BICC1: variants seen among roughly 807,000 people sequenced by gnomAD.
The protein encoded by BICC1 is BicC family RNA binding protein 1.
Under a neutral mutation model 111.0 loss-of-function variants are expected in BICC1, and 43 were observed. The ratio of observed to expected loss-of-function variants is 0.39; its 90% CI spans 0.30 to 0.50. The LOEUF (loss-of-function observed/expected upper bound fraction) is 0.50, where lower values mean the gene tolerates loss of function less well. Ranked by LOEUF, BICC1 falls within the 20% of genes least tolerant of loss-of-function variation. BICC1 has a pLI of 0.88. For missense variants in BICC1, 1,091 were observed against 1,203.2 expected (o/e 0.91, Z 1.38); for synonymous variants, 467 against 434.4 (o/e 1.07, Z -0.93).
In BICC1 at chr10:58,741,853, C is replaced by T. The variant is rs78107356; in HGVS notation, c.307+39710C>T. ...ACTTAGAGGCTTTAGTTTGAGTGAC[C>T]ATGGCTGCTGGCACTTTGAACCAGC... On this transcript the variant is annotated intron_variant, in intron 3 of 20. Coordinates refer to ENST00000373886, the MANE Select transcript of BICC1 (RefSeq NM_001080512.3). Among the ~76,000 whole-genome samples the T allele has an allele frequency of 4.7e-4, 71 of 152,220 alleles. 1 individual carries two copies. The East Asian group carries it at 5.2e-3, about 11-fold the overall frequency.
intron 2 of BICC1, among the ~76,000 whole-genome samples, chr10:58,637,890 G>A (rs1279945798): frequency 6.6e-6 from 1 of 152,144 alleles, no homozygotes; most frequent in African/African-American, 2.4e-5. Flanking sequence ...GTGATAGCCA[G>A]GGGAATCACT....
intron 1 of BICC1, among the ~76,000 whole-genome samples, chr10:58,523,426 C>T (rs563369985): frequency 1.6e-3 from 247 of 152,274 alleles, no homozygotes; most frequent in Admixed American, 5.2e-3. Flanking sequence ...CGTAATCCAA[C>T]GTATAAACAG....
chr10:58,558,501 C>G (rs1455054171), intron 1 of BICC1, among the ~76,000 whole-genome samples: 2 of 152,022 alleles, frequency 1.3e-5, no homozygotes, highest in African/African-American at 4.8e-5. Flanking sequence ...AATCGGCATG[C>G]TTTGTTGCTT....
chr10:58,827,305 G>A (rs1488645731), intron 20 of BICC1, among the ~76,000 whole-genome samples: 1 of 152,186 alleles, frequency 6.6e-6, no homozygotes, highest in Admixed American at 6.5e-5. Flanking sequence ...TGTTGATACA[G>A]AAAAAGCTGT....
chr10:58,583,726 A>G (rs535576385), intron 1 of BICC1, among the ~76,000 whole-genome samples: 1 of 152,186 alleles, frequency 6.6e-6, no homozygotes, highest in African/African-American at 2.4e-5. Flanking sequence ...GCTGTTATAA[A>G]CATGTGTGTG....
chr10:58,570,362 A>G (rs1029541587), intron 1 of BICC1, among the ~76,000 whole-genome samples: 1 of 152,170 alleles, frequency 6.6e-6, no homozygotes, highest in Non-Finnish European at 1.5e-5. Flanking sequence ...TGATGCCAGC[A>G]TGTGCTTTTC....
chr10:58,820,337 C>A, intron 19 of BICC1, 32 bp from the exon 20 acceptor site: 2 of 1,397,430 alleles, frequency 1.4e-6, no homozygotes, highest in Non-Finnish European at 2.0e-6. Flanking sequence ...GTAATTAATA[C>A]ATTGGTTATA....
Position 58,553,583 on chromosome 10 carries a change from G to T in BICC1, c.190+40250G>T, listed in dbSNP as rs554852456. Among the ~76,000 whole-genome samples the T allele has an allele frequency of 3.0e-4, 46 of 152,120 alleles. No homozygotes were observed. The South Asian group carries it at 4.4e-3, about 14-fold the overall frequency. ...TGTGCTGTTTTAAGTTGCTAAGTTT[G>T]TATTATTTTGTTACAGCAGCATTAG... On this transcript the variant is annotated intron_variant, in intron 1 of 20. Transcript: ENST00000373886.
chr10:58,516,790 A>C (rs1842253360), intron 1 of BICC1, among the ~76,000 whole-genome samples: 1 of 152,152 alleles, frequency 6.6e-6, no homozygotes, highest in South Asian at 2.1e-4. Context: ...AAGCCAATTA[A>C]ATTTTAGTTA....
In BICC1 at chr10:58,789,269, T is replaced by A. The variant is rs1172727327; in HGVS notation, c.608T>A (p.Leu203His). 1 of 1,613,098 alleles carries A rather than the reference T, an allele frequency of 6.2e-7. No homozygotes were observed. The highest frequency in any genetic ancestry group is 1.3e-5 in the African/African-American group (1 of 75,008). The change falls in exon 7 of 21, where the codon CTT (leucine) becomes CAT (histidine). Residue 203 changes from leucine (L) to histidine (H), a missense_variant. Transcript: ENST00000373886. ...CTCATCATTTCATTTTAGGAGCTGCTTCCTTTGGTGCTGATGTTTGAGCTA... is the reference window on the plus strand; with the variant it reads ...CTCATCATTTCATTTTAGGAGCTGCATCCTTTGGTGCTGATGTTTGAGCTA... The part of the protein sequence containing the change: ...ESARVRIREL[L>H]PLVLMFELPI...
rs531474428 is a variant in BICC1, at chr10:58,526,746, A to C, written c.190+13413A>C. 9.2e-4 allele frequency among the ~76,000 whole-genome samples: 140 copies of C among 152,308 alleles called. 3 individuals are homozygous for C. The South Asian group carries it at 0.028, about 30-fold the overall frequency. On this transcript the variant is annotated intron_variant, in intron 1 of 20. Coordinates refer to ENST00000373886, the MANE Select transcript of BICC1 (RefSeq NM_001080512.3). The stretch of plus-strand genomic sequence containing the variant: ...TTCCCGCTTCATCCATGCCCTACCA[A>C]GGACATGAACTCATCCTTTTTTATG...
intron 16 of BICC1, 70 bp downstream of exon 16, chr10:58,806,693 A>ATGG: frequency 7.6e-7 from 1 of 1,310,336 alleles, no homozygotes; most frequent in Non-Finnish European, 1.1e-6. Context: ...TTGAGTACTC[A>ATGG]TGGTGAATCG....
At chr10:58,719,059 A>G (rs1382724881) in intron 3 of BICC1, among the ~76,000 whole-genome samples, 1 of 152,114 alleles carries the variant, frequency 6.6e-6, no homozygotes, top group Non-Finnish European at 1.5e-5. Context: ...CTCATATTCC[A>G]TTTCTACTTT....
intron 1 of BICC1, among the ~76,000 whole-genome samples, chr10:58,528,259 A>G (rs568568072): frequency 1.5e-4 from 23 of 152,006 alleles, no homozygotes; most frequent in African/African-American, 4.8e-4. Flanking sequence ...CTCCATATGC[A>G]AGATGATCTG....
At chr10:58,547,779 T>G (rs937211602) in intron 1 of BICC1, among the ~76,000 whole-genome samples, 2 of 152,190 alleles carry the variant, frequency 1.3e-5, no homozygotes, top group African/African-American at 4.8e-5. Context: ...GGAAGCTCTT[T>G]CAGTTGGCTA....
chr10:58,730,519 G>A (rs1841254991), intron 3 of BICC1, among the ~76,000 whole-genome samples: 1 of 152,024 alleles, frequency 6.6e-6, no homozygotes, highest in South Asian at 2.1e-4. Flanking sequence ...GCCCCAGTTG[G>A]GACTCTGTGT....
intron 3 of BICC1, among the ~76,000 whole-genome samples, chr10:58,712,444 G>A (rs1217448816): frequency 2.6e-5 from 4 of 152,092 alleles, no homozygotes; most frequent in Non-Finnish European, 5.9e-5. Context: ...ATCAAAACTC[G>A]GAAACAACCA....
At chr10:58,531,425 G>T (rs542854753) in intron 1 of BICC1, among the ~76,000 whole-genome samples, 1 of 151,820 alleles carries the variant, frequency 6.6e-6, no homozygotes, top group African/African-American at 2.4e-5. Flanking sequence ...CTCTAGCTGG[G>T]CTGATTGGTG....
chr10:58,830,155 A>G lies in BICC1; in HGVS notation c.*1264A>G, dbSNP rs1844515136. 1.3e-5 allele frequency: 2 copies of G among 152,068 alleles called. No individual in the cohort carries two copies. Among genetic ancestry groups the G allele is most frequent in the African/African-American group, 4.8e-5 (2 of 41,410 alleles). 9.4% of individuals were successfully genotyped at this position (152,068 alleles called of 1,614,324 possible). A position where few individuals can be genotyped will look rare whatever the true frequency, so the allele number is the denominator to read the frequency against. On this transcript the variant is annotated 3_prime_UTR_variant, in exon 21 of 21. Coordinates refer to ENST00000373886, the MANE Select transcript of BICC1 (RefSeq NM_001080512.3). ...AAGACAGCTAAGTTCTGAAGGAAAA[A>G]AAAAATATATCTTTTTAAGTGGCTA...
Sources: gnomAD v4.1 joint callset for allele counts (sites outside exome capture counted in the v4.1 genomes callset) on GRCh38, gnomAD v4.1.1 for gene constraint, MANE v1.5 for transcripts, NCBI Gene and HGNC (gene_info 2026-07-23, HGNC 2026-07-21) for gene names.